The following NOL4 variants were observed in gnomAD, a reference collection of about 807,000 sequenced individuals.
The protein encoded by NOL4 is cancer/testis antigen 125.
A neutral mutation model predicts 75.9 loss-of-function variants in NOL4; 17 were observed. That is an observed-to-expected ratio of 0.22 (90% CI 0.15 to 0.34). The LOEUF (loss-of-function observed/expected upper bound fraction) is 0.34. Ranked by LOEUF, NOL4 falls within the 10% of genes least tolerant of loss-of-function variation. The probability of loss-of-function intolerance (pLI) is 1.00; values close to 1 mark genes in which losing one functional copy is unlikely to be tolerated. For missense variants in NOL4, 614 were observed against 793.5 expected, an observed-to-expected ratio of 0.77 and a Z score of 2.72; for synonymous variants, 292 against 289.9, an observed-to-expected ratio of 1.01 and a Z score of -0.07.
At chr18:34,061,057 C>T (rs900454802) in intron 5 of NOL4, among the ~76,000 whole-genome samples, 2 of 152,056 alleles carry the variant, frequency 1.3e-5, no homozygotes, top group African/African-American at 2.4e-5. Context: ...GACGCTGACA[C>T]GCCCTAAGAG....
At chr18:33,929,685 G>GT (rs1479989026) in intron 9 of NOL4, among the ~76,000 whole-genome samples, 1 of 152,088 alleles carries the variant, frequency 6.6e-6, no homozygotes, top group Non-Finnish European at 1.5e-5. Context: ...TTCCTCACTT[G>GT]TTTTGTAGCT....
At chr18:34,176,297 A>G (rs555832546) in intron 1 of NOL4, among the ~76,000 whole-genome samples, 1 of 152,230 alleles carries the variant, frequency 6.6e-6, no homozygotes, top group African/African-American at 2.4e-5. Flanking sequence ...AAAAACAAGA[A>G]TAACAAAGAA....
At chr18:34,041,841 T>A (rs17816756) in intron 5 of NOL4, among the ~76,000 whole-genome samples, 1 of 151,782 alleles carries the variant, frequency 6.6e-6, no homozygotes, top group Non-Finnish European at 1.5e-5. Flanking sequence ...CATATTGTAA[T>A]GTTGATTATT....
chr18:34,136,932 T>C (rs1264291950), intron 1 of NOL4, among the ~76,000 whole-genome samples: 1 of 152,128 alleles, frequency 6.6e-6, no homozygotes, highest in Non-Finnish European at 1.5e-5. Context: ...AAGTCTTTAT[T>C]AGATAGTGTG....
At chr18:33,854,529 G>C (rs1304796437) in intron 10 of NOL4, among the ~76,000 whole-genome samples, 1 of 151,968 alleles carries the variant, frequency 6.6e-6, no homozygotes, top group Admixed American at 6.6e-5. Context: ...CCTGTGTTGA[G>C]GCAAATCATT....
chr18:33,961,011 G>C (rs1221593591), intron 6 of NOL4, among the ~76,000 whole-genome samples: 1 of 151,850 alleles, frequency 6.6e-6, no homozygotes. Flanking sequence ...ATAATGTTTT[G>C]TATTAATGAA....
intron 10 of NOL4, among the ~76,000 whole-genome samples, chr18:33,859,035 T>A (rs1285458863): frequency 6.6e-6 from 1 of 152,072 alleles, no homozygotes; most frequent in Non-Finnish European, 1.5e-5. Flanking sequence ...CATCTTGTCA[T>A]ATTTTTAAAA....
chr18:34,155,565 G>C (rs1416488841), intron 1 of NOL4, among the ~76,000 whole-genome samples: 1 of 151,956 alleles, frequency 6.6e-6, no homozygotes, highest in Non-Finnish European at 1.5e-5. Flanking sequence ...AGGCTGCATG[G>C]TATATTGCTT....
intron 9 of NOL4, among the ~76,000 whole-genome samples, chr18:33,893,364 C>G (rs1333499309): frequency 6.6e-6 from 1 of 152,062 alleles, no homozygotes; most frequent in Non-Finnish European, 1.5e-5. Context: ...AGAAACTGGA[C>G]ACATACAAAA....
At chr18:34,167,155 G>A (rs1162525997) in intron 1 of NOL4, among the ~76,000 whole-genome samples, 1 of 151,236 alleles carries the variant, frequency 6.6e-6, no homozygotes, top group Non-Finnish European at 1.5e-5. Context: ...AAGTAACCTA[G>A]GGATGATTTA....
At chr18:34,200,094 G>A (rs1295396293) in intron 1 of NOL4, among the ~76,000 whole-genome samples, 1 of 151,850 alleles carries the variant, frequency 6.6e-6, no homozygotes, top group Non-Finnish European at 1.5e-5. Context: ...ACAGAAGTAA[G>A]CAAACTAAGA....
intron 5 of NOL4, among the ~76,000 whole-genome samples, chr18:34,027,275 GGTTGGAGAA>G (rs1568239013): frequency 5.9e-5 from 9 of 152,270 alleles, no homozygotes; most frequent in African/African-American, 2.2e-4. Flanking sequence ...CTCTCATGTG[GGTTGGAGAA>G]TAGGTATTTG....
At chr18:33,951,601 ATCTT>A (rs1463653066) in intron 8 of NOL4, among the ~76,000 whole-genome samples, 4 of 152,002 alleles carry the variant, frequency 2.6e-5, no homozygotes, top group African/African-American at 9.7e-5. Flanking sequence ...TGTTAAATCT[ATCTT>A]TATCATTCTC....
At chr18:33,994,929 T>C (rs1319918633) in intron 6 of NOL4, among the ~76,000 whole-genome samples, 1 of 151,338 alleles carries the variant, frequency 6.6e-6, no homozygotes, top group East Asian at 1.9e-4. Context: ...AAACTAATGT[T>C]CCAAATATAA....
At chr18:33,858,932 A>G (rs1567964863) in intron 10 of NOL4, among the ~76,000 whole-genome samples, 1 of 152,052 alleles carries the variant, frequency 6.6e-6, no homozygotes, top group Non-Finnish European at 1.5e-5. Context: ...TAATATCTCT[A>G]AACTTTCAAG....
rs1400974037 is a variant in NOL4 at position 34,097,937 on chromosome 18, G to A, written c.640-4340C>T. 1.2e-4 allele frequency among the ~76,000 whole-genome samples: 18 copies of A among 152,256 alleles called. 1 individual carries two copies. The East Asian group carries it at 3.5e-3, about 29-fold the overall frequency. On this transcript the variant is annotated intron_variant, in intron 4 of 10. Transcript: ENST00000261592. ...ACCCTCACCAACAGTTTATAAGAAGGTCAAATGATCTCATATTGGATACAG... is the reference window on the plus strand; with the variant it reads ...ACCCTCACCAACAGTTTATAAGAAGATCAAATGATCTCATATTGGATACAG...
At chr18:34,077,407 A>G (rs527459455) in intron 5 of NOL4, among the ~76,000 whole-genome samples, 2 of 152,256 alleles carry the variant, frequency 1.3e-5, no homozygotes, top group African/African-American at 4.8e-5. Context: ...ATGCTTTCAT[A>G]TATCTACATA....
At chr18:34,023,469 T>C (rs1286935499) in intron 5 of NOL4, 1 of 456,096 alleles carries the variant, frequency 2.2e-6, no homozygotes. Flanking sequence ...CCTGAGTAGC[T>C]GCTACACAGA....
chr18:34,113,669 T>C (rs80095753), intron 2 of NOL4, among the ~76,000 whole-genome samples: 4,826 of 152,142 alleles, frequency 0.032, 82 homozygotes, highest in Middle Eastern at 0.048. Flanking sequence ...GTGTCCTGTC[T>C]TTGGAAAATT....
Sources: gnomAD v4.1 joint callset for allele counts (sites outside exome capture counted in the v4.1 genomes callset) on GRCh38, gnomAD v4.1.1 for gene constraint, MANE v1.5 for transcripts, NCBI Gene and HGNC (gene_info 2026-07-23, HGNC 2026-07-21) for gene names.